ARHGAP32: variants seen among roughly 807,000 people sequenced by gnomAD.
ARHGAP32 encodes Rho GTPase activating protein 32.
In ARHGAP32, 51 loss-of-function variants were observed where a neutral mutation model predicts 186.5. That is an observed-to-expected ratio of 0.27 (90% CI 0.22 to 0.35). The LOEUF is 0.35. Ranked by LOEUF, ARHGAP32 falls within the 10% of genes least tolerant of loss-of-function variation. The probability of loss-of-function intolerance (pLI) is 1.00; values close to 1 mark genes in which losing one functional copy is unlikely to be tolerated. For synonymous variants in ARHGAP32, 950 were observed against 964.3 expected (o/e 0.99, Z 0.27); for missense variants, 2,186 against 2,623.5 (o/e 0.83, Z 3.64).
At chr11:129,184,494 T>C (rs921549022) in intron 1 of ARHGAP32, among the ~76,000 whole-genome samples, 2 of 151,988 alleles carry the variant, frequency 1.3e-5, no homozygotes, top group Non-Finnish European at 2.9e-5. Flanking sequence ...TCAAATTGAA[T>C]TTGAACAATT....
intron 1 of ARHGAP32, among the ~76,000 whole-genome samples, chr11:129,201,435 A>G (rs1342857781): frequency 6.6e-6 from 1 of 152,174 alleles, no homozygotes; most frequent in Non-Finnish European, 1.5e-5. Flanking sequence ...GTAGAAAAAT[A>G]CTATAACGGT....
chr11:128,983,505 G>A (rs910880345), intron 15 of ARHGAP32, among the ~76,000 whole-genome samples: 9 of 147,370 alleles, frequency 6.1e-5, no homozygotes, highest in Admixed American at 2.0e-4. Flanking sequence ...GGGGTGGGGG[G>A]AAGGGGGAGG....
chr11:129,066,552 A>G (rs552099280), intron 7 of ARHGAP32, among the ~76,000 whole-genome samples, 179 bp downstream of exon 7: 1 of 152,142 alleles, frequency 6.6e-6, no homozygotes, highest in East Asian at 1.9e-4. Context: ...TACACACTGA[A>G]CCTACTTTCA....
chr11:129,104,241 T>C (rs997418118), intron 5 of ARHGAP32, among the ~76,000 whole-genome samples: 7 of 152,096 alleles, frequency 4.6e-5, no homozygotes, highest in Non-Finnish European at 1.0e-4. Flanking sequence ...GGTAGAAATA[T>C]TGAACAAGAA....
intron 2 of ARHGAP32, among the ~76,000 whole-genome samples, chr11:129,131,231 A>G (rs1015045171): frequency 6.6e-6 from 1 of 152,188 alleles, no homozygotes; most frequent in East Asian, 1.9e-4. Flanking sequence ...GTTTCACAGA[A>G]GTATACAAGA....
intron 1 of ARHGAP32, among the ~76,000 whole-genome samples, chr11:129,207,402 T>C (rs1275324829): frequency 1.3e-5 from 2 of 152,194 alleles, no homozygotes; most frequent in Non-Finnish European, 2.9e-5. Flanking sequence ...CAGCATCTGT[T>C]GTTTCCTGAC....
At chr11:129,230,783 A>C (rs536596545) in intron 1 of ARHGAP32, among the ~76,000 whole-genome samples, 24 of 152,322 alleles carry the variant, frequency 1.6e-4, no homozygotes, top group Admixed American at 7.8e-4. Context: ...GTTAACTTGT[A>C]AAATATAAAA....
chr11:129,213,954 T>C (rs1944613198), intron 1 of ARHGAP32, among the ~76,000 whole-genome samples: 1 of 152,052 alleles, frequency 6.6e-6, no homozygotes, highest in Non-Finnish European at 1.5e-5. Flanking sequence ...TGTTTTCTTA[T>C]ACCTCAAGTA....
chr11:129,149,844 T>C (rs1052005711), intron 2 of ARHGAP32, among the ~76,000 whole-genome samples: 1 of 151,808 alleles, frequency 6.6e-6, no homozygotes, highest in Non-Finnish European at 1.5e-5. Flanking sequence ...GTAAAGCTAA[T>C]CAAGAAGACA....
rs1243157303 is a variant in ARHGAP32, at chr11:128,969,633, A to T, written c.5580T>A (p.Gly1860=). Residue 1860 remains glycine (G), a synonymous_variant, in exon 23 of 23, where the codon GGT becomes GGA. Transcript: ENST00000682385. The surrounding 1 kb of genome is among the most constrained non-coding windows in gnomAD (Gnocchi z 4.8). ...GGGATGGCTTCTCCGGCTGCGTGCTACCATGGCCTCCGTGATGGTGGGCTC... is the reference window on the plus strand; with the variant it reads ...GGGATGGCTTCTCCGGCTGCGTGCTTCCATGGCCTCCGTGATGGTGGGCTC... ...MDRAHHHGGH[G]STQPEKPSLP... 1 of 1,614,040 alleles carries T rather than the reference A, an allele frequency of 6.2e-7. No homozygotes were observed. Among genetic ancestry groups the T allele is most frequent in the East Asian group, 2.2e-5 (1 of 44,872 alleles).
At chr11:129,188,806 G>A (rs759213258) in intron 1 of ARHGAP32, among the ~76,000 whole-genome samples, 2 of 152,120 alleles carry the variant, frequency 1.3e-5, no homozygotes, top group Non-Finnish European at 2.9e-5. Context: ...GAAGATCAGC[G>A]ATCTGGGCAT....
chr11:129,021,407 T>A (rs1408562088), intron 11 of ARHGAP32, among the ~76,000 whole-genome samples: 1 of 152,026 alleles, frequency 6.6e-6, no homozygotes, highest in Admixed American at 6.6e-5. Context: ...TAAAACTGTA[T>A]CTCTTCTCCA....
chr11:129,265,500 G>C, intron 1 of ARHGAP32, among the ~76,000 whole-genome samples: 1 of 152,140 alleles, frequency 6.6e-6, no homozygotes, highest in East Asian at 1.9e-4. Flanking sequence ...TATTTACAAA[G>C]TAGTACTGAG....
At position 128,966,464 on chromosome 11, in the gene ARHGAP32, C is replaced by T. The variant is rs1565340772; in HGVS notation, c.*2443G>A. On this transcript the variant is annotated 3_prime_UTR_variant, in exon 23 of 23. Transcript: ENST00000682385. ...AATCCAAAGTTAAGGCTGTTGCTAG[C>T]ATGCATTAAATGAAGCAACTCTAGA... is the stretch of plus-strand genomic sequence containing the variant. 2.6e-5 allele frequency: 4 copies of T among 152,142 alleles called. No homozygotes were observed. The highest frequency in any genetic ancestry group is 1.5e-5 in the Non-Finnish European group (1 of 68,034). 9.4% of individuals were successfully genotyped at this position (152,142 alleles called of 1,614,324 possible). A position where few individuals can be genotyped will look rare whatever the true frequency, so the allele number is the denominator to read the frequency against.
At chr11:129,058,188 T>TATACACAC (rs1168873598) in intron 10 of ARHGAP32, among the ~76,000 whole-genome samples, 7 of 133,858 alleles carry the variant, frequency 5.2e-5, no homozygotes, top group African/African-American at 1.7e-4. Context: ...AAAAAAAATA[T>TATACACAC]ACACACACAC....
chr11:129,266,614 T>C (rs376026456), intron 1 of ARHGAP32, among the ~76,000 whole-genome samples: 44 of 152,272 alleles, frequency 2.9e-4, no homozygotes, highest in South Asian at 1.0e-3. Context: ...ATAAGAGAGA[T>C]TGTACCATTT....
intron 5 of ARHGAP32, among the ~76,000 whole-genome samples, chr11:129,104,430 A>T (rs1941993830): frequency 6.6e-6 from 1 of 152,088 alleles, no homozygotes; most frequent in African/African-American, 2.4e-5. Flanking sequence ...ATACCAAAAA[A>T]TTTAGCCTTT....
At chr11:129,032,553 C>T (rs1939159985) in intron 11 of ARHGAP32, among the ~76,000 whole-genome samples, 1 of 152,128 alleles carries the variant, frequency 6.6e-6, no homozygotes, top group Admixed American at 6.5e-5. Context: ...TTTGCCTTTT[C>T]ATTTAACAAT....
At chr11:129,136,774 T>C (rs1942945068) in intron 2 of ARHGAP32, among the ~76,000 whole-genome samples, 1 of 152,042 alleles carries the variant, frequency 6.6e-6, no homozygotes, top group South Asian at 2.1e-4. Flanking sequence ...AGAAAAATTG[T>C]CTGATAAAAC....
Sources: gnomAD v4.1 joint callset for allele counts (sites outside exome capture counted in the v4.1 genomes callset) on GRCh38, gnomAD v4.1.1 for gene constraint, Gnocchi (gnomAD v3.1) non-coding constraint, MANE v1.5 for transcripts, NCBI Gene and HGNC (gene_info 2026-07-23, HGNC 2026-07-21) for gene names.